Variants in CNTN5 observed in about 807,000 individuals in gnomAD.
CNTN5 encodes contactin 5.
In CNTN5, 77 loss-of-function variants were observed where a neutral mutation model predicts 129.1. The ratio of observed to expected loss-of-function variants is 0.60; its 90% CI spans 0.50 to 0.72. The LOEUF is 0.72. Among genes scored for constraint, CNTN5 ranks in the 30% least tolerant of loss-of-function variants. The pLI is 0.00. For missense variants in CNTN5, 1,478 were observed against 1,328.8 expected (o/e 1.11, Z -1.75); for synonymous variants, 509 against 465.6 (o/e 1.09, Z -1.20).
chr11:99,586,678 A>T lies in CNTN5; in HGVS notation c.55+30409A>T, dbSNP rs114075094. On this transcript the variant is annotated intron_variant, in intron 3 of 24. Coordinates refer to ENST00000524871, the MANE Select transcript of CNTN5 (RefSeq NM_014361.4). ...GAGGGAAGATACTATACCCTATATC[A>T]TAGTTGATTCTCCATTGTATAGTAG... Among the ~76,000 whole-genome samples the T allele has an allele frequency of 3.2e-3, 482 of 152,316 alleles. 1 individual carries two copies. Among genetic ancestry groups the T allele is most frequent in the African/African-American group, 0.011 (469 of 41,572 alleles).
rs111691154 is a variant in CNTN5 at position 99,763,030 on chromosome 11, T to C, written c.56-56514T>C. Among the ~76,000 whole-genome samples the C allele has an allele frequency of 3.1e-3, 466 of 152,288 alleles. 4 individuals carry two copies. The highest frequency in any genetic ancestry group is 0.011 in the African/African-American group (450 of 41,576). ...AGCCCAAATCTATGCCAGTGTTTCC[T>C]AAATTTTATTGATCCATGTATCACT... is the stretch of plus-strand genomic sequence containing the variant. On this transcript the variant is annotated intron_variant, in intron 3 of 24. Coordinates refer to ENST00000524871, the MANE Select transcript of CNTN5 (RefSeq NM_014361.4).
At chr11:99,789,038 C>T (rs1945641201) in intron 3 of CNTN5, among the ~76,000 whole-genome samples, 1 of 151,570 alleles carries the variant, frequency 6.6e-6, no homozygotes, top group East Asian at 1.9e-4. Flanking sequence ...CAAAACCGTG[C>T]TCATTAACTC....
At chr11:99,984,006 A>C (rs887008444) in intron 8 of CNTN5, among the ~76,000 whole-genome samples, 1 of 152,144 alleles carries the variant, frequency 6.6e-6, no homozygotes, top group Non-Finnish European at 1.5e-5. Flanking sequence ...TAGTGGCGAC[A>C]CCTGTTACCC....
intron 2 of CNTN5, among the ~76,000 whole-genome samples, chr11:99,526,764 A>G (rs896349816): frequency 6.6e-6 from 1 of 152,212 alleles, no homozygotes; most frequent in Admixed American, 6.5e-5. Flanking sequence ...ATACCTACAT[A>G]TTCATTATGT....
At chr11:100,258,360 C>T (rs1247609787) in intron 17 of CNTN5, among the ~76,000 whole-genome samples, 1 of 152,128 alleles carries the variant, frequency 6.6e-6, no homozygotes, top group African/African-American at 2.4e-5. Flanking sequence ...TTGTAAAACA[C>T]TCTTAGGGAT....
At chr11:99,758,766 G>A (rs1944484139) in intron 3 of CNTN5, among the ~76,000 whole-genome samples, 1 of 151,888 alleles carries the variant, frequency 6.6e-6, no homozygotes, top group African/African-American at 2.4e-5. Context: ...TTGAGGAAGA[G>A]GAAATAGTAT....
At chr11:99,026,780 A>G (rs1258198585) in intron 1 of CNTN5, among the ~76,000 whole-genome samples, 3 of 151,638 alleles carry the variant, frequency 2.0e-5, no homozygotes, top group Non-Finnish European at 4.4e-5. Context: ...ATTAGAACCC[A>G]CATCTCTTAA....
intron 1 of CNTN5, among the ~76,000 whole-genome samples, chr11:99,301,483 T>C (rs971031506): frequency 2.0e-5 from 3 of 151,882 alleles, no homozygotes; most frequent in Middle Eastern, 6.8e-3. Context: ...CAAATATTGT[T>C]ACTGGAGACA....
At chr11:99,836,303 C>T (rs1325947466) in intron 4 of CNTN5, among the ~76,000 whole-genome samples, 4 of 146,134 alleles carry the variant, frequency 2.7e-5, no homozygotes, top group South Asian at 2.3e-4. Flanking sequence ...CTCCCCCAAC[C>T]CCCGACAGGC....
At chr11:99,427,949 A>C (rs1943204677) in intron 2 of CNTN5, among the ~76,000 whole-genome samples, 1 of 152,004 alleles carries the variant, frequency 6.6e-6, no homozygotes, top group African/African-American at 2.4e-5. Flanking sequence ...TAGCCAACTT[A>C]ATCACGTAAA....
chr11:100,010,758 T>G (rs1940477899), intron 9 of CNTN5, among the ~76,000 whole-genome samples: 1 of 152,152 alleles, frequency 6.6e-6, no homozygotes, highest in Non-Finnish European at 1.5e-5. Flanking sequence ...CACCCCTTAC[T>G]ATACCTCAGC....
intron 2 of CNTN5, among the ~76,000 whole-genome samples, chr11:99,466,012 G>A (rs542578647): frequency 1.3e-5 from 2 of 151,662 alleles, no homozygotes; most frequent in East Asian, 3.9e-4. Flanking sequence ...CTCCCGAGTA[G>A]CTGGGACTAC....
chr11:99,473,403 C>T (rs529791157), intron 2 of CNTN5, among the ~76,000 whole-genome samples: 1 of 152,228 alleles, frequency 6.6e-6, no homozygotes, highest in South Asian at 2.1e-4. Flanking sequence ...ATTCCTTTTG[C>T]AAATACTACA....
chr11:99,772,760 T>C (rs1273058509), intron 3 of CNTN5, among the ~76,000 whole-genome samples: 1 of 152,046 alleles, frequency 6.6e-6, no homozygotes, highest in Non-Finnish European at 1.5e-5. Context: ...CCTATAAAAG[T>C]TTAATAATGG....
intron 1 of CNTN5, among the ~76,000 whole-genome samples, chr11:99,085,900 G>A (rs1450597734): frequency 1.3e-5 from 2 of 151,960 alleles, no homozygotes; most frequent in Non-Finnish European, 2.9e-5. Flanking sequence ...CTACGTTTAT[G>A]CATATTTAGA....
At chr11:99,687,803 G>T (rs921795170) in intron 3 of CNTN5, among the ~76,000 whole-genome samples, 6 of 152,110 alleles carry the variant, frequency 3.9e-5, no homozygotes, top group Non-Finnish European at 8.8e-5. Context: ...TCTTGATGTA[G>T]CATATTGTAT....
chr11:100,162,774 A>G (rs1374732339), intron 13 of CNTN5, among the ~76,000 whole-genome samples: 1 of 151,840 alleles, frequency 6.6e-6, no homozygotes, highest in African/African-American at 2.4e-5. Context: ...CCCTCTTCAT[A>G]TTAATAGTAA....
chr11:100,306,557 G>T lies in CNTN5; in HGVS notation c.2621-1802G>T, dbSNP rs528467339. ...GTAAAACTGCTACGGAATAGCAAACGATATTCAAAGTGTGGTTTCCTTTCA... is the reference window on the plus strand; with the variant it reads ...GTAAAACTGCTACGGAATAGCAAACTATATTCAAAGTGTGGTTTCCTTTCA... On this transcript the variant is annotated intron_variant, in intron 20 of 24. Transcript: ENST00000524871. 2.6e-5 allele frequency among the ~76,000 whole-genome samples: 4 copies of T among 151,778 alleles called. No homozygotes were observed. In the East Asian group the frequency reaches 7.8e-4, roughly 30 times the overall value.
intron 8 of CNTN5, among the ~76,000 whole-genome samples, chr11:100,001,196 C>A (rs998567007): frequency 6.6e-6 from 1 of 152,026 alleles, no homozygotes; most frequent in Non-Finnish European, 1.5e-5. Flanking sequence ...AGAAAACTTA[C>A]AATTATGATG....
Sources: gnomAD v4.1 joint callset for allele counts (sites outside exome capture counted in the v4.1 genomes callset) on GRCh38, gnomAD v4.1.1 for gene constraint, MANE v1.5 for transcripts, NCBI Gene and HGNC (gene_info 2026-07-23, HGNC 2026-07-21) for gene names.